SLC6A2: variants seen among roughly 807,000 people sequenced by gnomAD.
SLC6A2 encodes sodium-dependent noradrenaline transporter.
SLC6A2 carries 26 observed loss-of-function variants against 71.7 expected under a neutral mutation model. The observed-to-expected ratio is 0.36, with a 90% confidence interval of 0.27 to 0.50. The LOEUF is 0.50. Among genes scored for constraint, SLC6A2 ranks in the 20% least tolerant of loss-of-function variants. The probability of loss-of-function intolerance (pLI) is 0.96; values close to 1 mark genes in which losing one functional copy is unlikely to be tolerated. For missense variants in SLC6A2, 581 were observed against 803.9 expected (o/e 0.72, Z 3.35); for synonymous variants, 363 against 337.9 (o/e 1.07, Z -0.82).
In SLC6A2 at chr16:55,705,057, G is replaced by T; in HGVS notation, c.*2711G>T. On this transcript the variant is annotated 3_prime_UTR_variant, in exon 15 of 15. Transcript: ENST00000568943. ...AGCAGAGGTCACCCGGGACAAGGGTGCTGTGTACTGTATATGACACTTGAC... is the reference window on the plus strand; with the variant it reads ...AGCAGAGGTCACCCGGGACAAGGGTTCTGTGTACTGTATATGACACTTGAC... 1.6e-6 allele frequency: 1 copy of T among 616,368 alleles called. No homozygotes were observed. Among genetic ancestry groups the T allele is most frequent in the Non-Finnish European group, 2.9e-6 (1 of 350,472 alleles). 38.2% of individuals were successfully genotyped at this position (616,368 alleles called of 1,614,324 possible). A position where few individuals can be genotyped will look rare whatever the true frequency, so the allele number is the denominator to read the frequency against.
chr16:55,703,628 A>G lies in SLC6A2; in HGVS notation c.*1282A>G, dbSNP rs2142648115. 2.0e-6 allele frequency: 2 copies of G among 985,446 alleles called. No homozygotes were observed. Among genetic ancestry groups the G allele is most frequent in the Non-Finnish European group, 2.4e-6 (2 of 829,938 alleles). 61.0% of individuals were successfully genotyped at this position (985,446 alleles called of 1,614,324 possible). On this transcript the variant is annotated 3_prime_UTR_variant, in exon 15 of 15. Coordinates refer to ENST00000568943, the MANE Select transcript of SLC6A2 (RefSeq NM_001172501.3). ...GTTTAGTTTTAGTTCCGTAAGAGAA[A>G]TGATTCCTAGTTTGCTAAATTGGTG...
chr16:55,678,427 T>C (rs9933125), intron 4 of SLC6A2, among the ~76,000 whole-genome samples: 2 of 152,118 alleles, frequency 1.3e-5, no homozygotes, highest in Admixed American at 6.5e-5. Flanking sequence ...CCTGAGGAAA[T>C]AGAAAATTTT....
rs1273334267 is a variant in SLC6A2, at chr16:55,703,896, G to A, written c.*1550G>A. On this transcript the variant is annotated 3_prime_UTR_variant, in exon 15 of 15. Transcript: ENST00000568943. ...CAGGGAGATGGTTTTGTCTCCCAGG[G>A]TCCTGAGGTTTCCTTGCTGGGTCGG... 2 of 786,778 alleles carry A rather than the reference G, an allele frequency of 2.5e-6. No individual in the cohort carries two copies. Among genetic ancestry groups the A allele is most frequent in the African/African-American group, 3.8e-5 (2 of 53,118 alleles). 48.7% of individuals were successfully genotyped at this position (786,778 alleles called of 1,614,324 possible).
chr16:55,694,393 G>A (rs1052365428), intron 7 of SLC6A2, among the ~76,000 whole-genome samples: 4 of 152,306 alleles, frequency 2.6e-5, no homozygotes, highest in South Asian at 2.1e-4. Flanking sequence ...GAGGAGAACT[G>A]TGAAGATTTC....
At chr16:55,687,254 GTA>G (rs1164567416) in intron 5 of SLC6A2, among the ~76,000 whole-genome samples, 2 of 1,256 alleles carry the variant, frequency 1.6e-3, no homozygotes, top group Admixed American at 8.8e-3. Context: ...CACAAGTAAA[GTA>G]AGAGCTGTCT....
chr16:55,690,507 A>G (rs1965583361), intron 5 of SLC6A2, among the ~76,000 whole-genome samples: 1 of 152,166 alleles, frequency 6.6e-6, no homozygotes, highest in Non-Finnish European at 1.5e-5. Context: ...ACATAGTTCC[A>G]GGGATTTGAG....
chr16:55,687,681 T>C (rs1407454858), intron 5 of SLC6A2, among the ~76,000 whole-genome samples: 2 of 152,292 alleles, frequency 1.3e-5, no homozygotes, highest in African/African-American at 4.8e-5. Context: ...TATATGAGCT[T>C]TATACTGCTT....
At chr16:55,662,172 C>A (rs893891744) in intron 2 of SLC6A2, among the ~76,000 whole-genome samples, 3 of 152,168 alleles carry the variant, frequency 2.0e-5, no homozygotes, top group Admixed American at 1.3e-4. Context: ...TCAAAAGGAT[C>A]TGAAAGGGGC....
Position 55,695,273 on chromosome 16 carries a change from C to A in SLC6A2, c.1023-5C>A. On this transcript the variant is annotated splice_region_variant and splice_polypyrimidine_tract_variant and intron_variant, in intron 7 of 14. Coordinates refer to ENST00000568943, the MANE Select transcript of SLC6A2 (RefSeq NM_001172501.3). ...GACTTGACCTCACTGTGCTTCTTCC[C>A]CCAGGGATGCCCTGCTGACCAGCAG... 1 of 1,614,088 alleles carries A rather than the reference C, an allele frequency of 6.2e-7. No homozygotes were observed. Among genetic ancestry groups the A allele is most frequent in the East Asian group, 2.2e-5 (1 of 44,866 alleles).
rs962781714 is a variant in SLC6A2 at position 55,702,715 on chromosome 16, G to A, written c.*369G>A. On this transcript the variant is annotated 3_prime_UTR_variant, in exon 15 of 15. Coordinates refer to ENST00000568943, the MANE Select transcript of SLC6A2 (RefSeq NM_001172501.3). ...GGAGTTCTTAGTCCACCAAATCAGAGAGAGGATGGGCTTTTGATCAGATAC... is the reference window on the plus strand; with the variant it reads ...GGAGTTCTTAGTCCACCAAATCAGAAAGAGGATGGGCTTTTGATCAGATAC... 1 of 1,090,976 alleles carries A rather than the reference G, an allele frequency of 9.2e-7. No individual in the cohort carries two copies. Among genetic ancestry groups the A allele is most frequent in the Middle Eastern group, 4.2e-4 (1 of 2,370 alleles). The allele number at this position is 1,090,976 out of a possible 1,614,324, so 67.6% of individuals were successfully genotyped here. A position where few individuals can be genotyped will look rare whatever the true frequency, so the allele number is the denominator to read the frequency against.
intron 3 of SLC6A2, among the ~76,000 whole-genome samples, chr16:55,670,504 G>A (rs747329596): frequency 6.6e-6 from 1 of 152,194 alleles, no homozygotes; most frequent in Non-Finnish European, 1.5e-5. Flanking sequence ...TCCGGGGATT[G>A]GCTTCAGGTA....
Position 55,705,329 on chromosome 16 carries a change from C to A in SLC6A2, c.*2983C>A. 1.7e-6 allele frequency: 2 copies of A among 1,211,300 alleles called. No individual in the cohort carries two copies. Among genetic ancestry groups the A allele is most frequent in the Non-Finnish European group, 2.3e-6 (2 of 857,426 alleles). 75.0% of individuals were successfully genotyped at this position (1,211,300 alleles called of 1,614,324 possible). On this transcript the variant is annotated 3_prime_UTR_variant, in exon 15 of 15. Transcript: ENST00000568943. ...AAAGGAGTTACCGCTCAGCTGGGAGCCAGTTCCTGCTATATGATCTGTTTT... is the reference window on the plus strand; with the variant it reads ...AAAGGAGTTACCGCTCAGCTGGGAGACAGTTCCTGCTATATGATCTGTTTT...
intron 5 of SLC6A2, among the ~76,000 whole-genome samples, chr16:55,690,557 T>C (rs1374229355): frequency 6.6e-6 from 1 of 152,170 alleles, no homozygotes; most frequent in African/African-American, 2.4e-5. Flanking sequence ...GGCCTTCTCA[T>C]GTTTCAGCTG....
intron 2 of SLC6A2, among the ~76,000 whole-genome samples, chr16:55,657,231 A>G (rs1473586147): frequency 1.3e-5 from 2 of 152,184 alleles, no homozygotes; most frequent in Admixed American, 6.5e-5. Context: ...AAAACAGCAG[A>G]AGAGTGAAAT....
intron 5 of SLC6A2, 127 bp downstream of exon 5, chr16:55,685,408 A>G (rs1965420595): frequency 4.0e-6 from 4 of 1,004,242 alleles, no homozygotes; most frequent in Non-Finnish European, 6.3e-6. Flanking sequence ...GCCTGGGTTC[A>G]AGCCCCTGTT....
chr16:55,695,788 C>T (rs1229801963), intron 8 of SLC6A2, among the ~76,000 whole-genome samples: 3 of 152,196 alleles, frequency 2.0e-5, no homozygotes, highest in Non-Finnish European at 4.4e-5. Context: ...CGTCACCCAG[C>T]TAGTGAGCAA....
At chr16:55,670,200 C>A (rs1964867337) in intron 3 of SLC6A2, among the ~76,000 whole-genome samples, 1 of 152,190 alleles carries the variant, frequency 6.6e-6, no homozygotes, top group Non-Finnish European at 1.5e-5. Flanking sequence ...ACTGCTATTT[C>A]TTGGCCCCTA....
chr16:55,663,597 A>C (rs1964666285), intron 2 of SLC6A2, among the ~76,000 whole-genome samples: 1 of 152,226 alleles, frequency 6.6e-6, no homozygotes, highest in African/African-American at 2.4e-5. Context: ...GGGTCCCTCC[A>C]GCTGAGGTCT....
Position 55,705,068 on chromosome 16 carries a change from T to C in SLC6A2, c.*2722T>C. 1.4e-6 allele frequency: 1 copy of C among 694,010 alleles called. No individual in the cohort carries two copies. Among genetic ancestry groups the C allele is most frequent in the Non-Finnish European group, 2.5e-6 (1 of 396,042 alleles). The allele number at this position is 694,010 out of a possible 1,614,324, so 43.0% of individuals were successfully genotyped here. ...CCCGGGACAAGGGTGCTGTGTACTG[T>C]ATATGACACTTGACGCTTTTGATAT... On this transcript the variant is annotated 3_prime_UTR_variant, in exon 15 of 15. Coordinates refer to ENST00000568943, the MANE Select transcript of SLC6A2 (RefSeq NM_001172501.3).
Sources: allele counts gnomAD v4.1 joint callset (sites outside exome capture counted in the v4.1 genomes callset), GRCh38; gene constraint gnomAD v4.1.1; transcripts MANE v1.5; gene names NCBI Gene and HGNC (gene_info 2026-07-23, HGNC 2026-07-21).